BPGM: variants seen among roughly 807,000 people sequenced by gnomAD.
BPGM encodes bisphosphoglycerate mutase.
In BPGM, 15 loss-of-function variants were observed where a neutral mutation model predicts 21.6. The ratio of observed to expected loss-of-function variants is 0.70; its 90% CI spans 0.47 to 1.07. The LOEUF is 1.07. Ranked by LOEUF, BPGM falls within the 50% of genes least tolerant of loss-of-function variation. BPGM has a pLI of 0.00. For synonymous variants in BPGM, 113 were observed against 116.2 expected (o/e 0.97, Z 0.18); for missense variants, 273 against 319.0 (o/e 0.86, Z 1.10).
At chr7:134,669,292 T>C (rs1345851272) in intron 2 of BPGM, among the ~76,000 whole-genome samples, 1 of 152,216 alleles carries the variant, frequency 6.6e-6, no homozygotes, top group Non-Finnish European at 1.5e-5. Context: ...ACCATGGTCA[T>C]TATAGGGAAC....
rs1451163969 is a variant in BPGM, at chr7:134,671,086, T to A, written c.602-7767T>A. On this transcript the variant is annotated intron_variant, in intron 2 of 2. Transcript: ENST00000344924. ...GGTAAGGTCATAGGAGAGCACAGTG[T>A]TTAATCAAGGCTTCAACAATAAAAG... Among the ~76,000 whole-genome samples the A allele has an allele frequency of 2.0e-5, 3 of 152,280 alleles. No homozygotes were observed. In the East Asian group the frequency reaches 5.8e-4, roughly 29 times the overall value.
rs1025348067 is a variant in BPGM at position 134,652,088 on chromosome 7, T to A, written c.-62+5151T>A. Among the ~76,000 whole-genome samples the A allele has an allele frequency of 3.9e-5, 6 of 152,236 alleles. No individual in the cohort carries two copies. In the South Asian group the frequency reaches 1.0e-3, roughly 26 times the overall value. On this transcript the variant is annotated intron_variant, in intron 1 of 2. Coordinates refer to ENST00000344924, the MANE Select transcript of BPGM (RefSeq NM_001724.5). ...TCAAGTACTCAGACTGATTTAAATG[T>A]CTTCAGTATTGCCTTCTGTGAGGAA...
Position 134,678,903 on chromosome 7 carries a change from A to T in BPGM, c.652A>T (p.Ile218Phe). Reference protein sequence around the residue: ...INITLPTGVPILLELDENLRA... With the variant: ...INITLPTGVPFLLELDENLRA... ...CATTACTCTTCCTACTGGAGTCCCC[A>T]TTCTTCTGGAATTGGATGAAAACCT... Residue 218 changes from isoleucine (I) to phenylalanine (F), a missense_variant, in exon 3 of 3, where the codon ATT becomes TTT. Physicochemically the swap from Ile to Phe is conservative, Grantham distance 21 (BLOSUM62 0). Transcript: ENST00000344924. 1.2e-6 allele frequency: 2 copies of T among 1,614,114 alleles called. No homozygotes were observed. The highest frequency in any genetic ancestry group is 1.7e-6 in the Non-Finnish European group (2 of 1,179,966).
At chr7:134,648,121 C>A (rs1163240150) in intron 1 of BPGM, among the ~76,000 whole-genome samples, 1 of 131,128 alleles carries the variant, frequency 7.6e-6, no homozygotes, top group East Asian at 2.7e-4. Context: ...TTCTTTCTTT[C>A]TTTTGTTTTG....
intron 1 of BPGM, among the ~76,000 whole-genome samples, chr7:134,649,422 G>T (rs888204545): frequency 2.0e-5 from 3 of 152,170 alleles, no homozygotes; most frequent in Admixed American, 2.0e-4. Context: ...GTGGTTGGTT[G>T]AGATTAAGAG....
chr7:134,650,679 T>C (rs1423537753), intron 1 of BPGM, among the ~76,000 whole-genome samples: 1 of 152,128 alleles, frequency 6.6e-6, no homozygotes, highest in African/African-American at 2.4e-5. Flanking sequence ...TCCCAGCACT[T>C]TGGGAGGCCG....
rs1164169964 is a variant in BPGM, at chr7:134,665,649, G to GAAAAAAAAAAAAA, written c.601+3553_601+3565dup. Among the ~76,000 whole-genome samples, 3 of 78,192 alleles carry GAAAAAAAAAAAAA rather than the reference G, an allele frequency of 3.8e-5. 1 individual carries two copies. The highest frequency in any genetic ancestry group is 1.2e-4 in the African/African-American group (3 of 24,324). 51.3% of individuals were successfully genotyped at this position (78,192 alleles called of 152,430 possible). ...AAAATAAAATAAAATAAAAATTAAT[G>GAAAAAAAAAAAAA]AAAAAAAAAAAAAAAAAAAAAAAAG... is the stretch of plus-strand genomic sequence containing the variant. On this transcript the variant is annotated intron_variant, in intron 2 of 2. Coordinates refer to ENST00000344924, the MANE Select transcript of BPGM (RefSeq NM_001724.5).
chr7:134,663,524 C>T lies in BPGM; in HGVS notation c.601+1416C>T, dbSNP rs142026414. On this transcript the variant is annotated intron_variant, in intron 2 of 2. Transcript: ENST00000344924. ...GATATATAACTTCATCATTAATGGA[C>T]CATAGTATTTTATTGTTTGAAGAAG... 5.3e-3 allele frequency among the ~76,000 whole-genome samples: 803 copies of T among 152,270 alleles called. 6 individuals are homozygous for T. Among genetic ancestry groups the T allele is most frequent in the African/African-American group, 0.018 (753 of 41,544 alleles).
At chr7:134,673,903 CTTTTT>C (rs11408520) in intron 2 of BPGM, among the ~76,000 whole-genome samples, 121 of 122,208 alleles carry the variant, frequency 9.9e-4, no homozygotes, top group African/African-American at 3.2e-3. Flanking sequence ...GATCTGTTTC[CTTTTT>C]TTTTTTTTTT....
chr7:134,670,197 T>A (rs1032851137), intron 2 of BPGM, among the ~76,000 whole-genome samples: 8 of 152,198 alleles, frequency 5.3e-5, no homozygotes, highest in African/African-American at 1.7e-4. Context: ...AAGACACTCA[T>A]GCAAGACAGA....
chr7:134,650,069 G>GT (rs1361312986), intron 1 of BPGM, among the ~76,000 whole-genome samples: 2 of 152,196 alleles, frequency 1.3e-5, no homozygotes, highest in African/African-American at 4.8e-5. Flanking sequence ...GGAACCTGAG[G>GT]TTCAAAGAAT....
chr7:134,677,234 G>A (rs1562972802), intron 2 of BPGM, among the ~76,000 whole-genome samples: 1 of 152,068 alleles, frequency 6.6e-6, no homozygotes, highest in African/African-American at 2.4e-5. Flanking sequence ...TGCTGGCAAA[G>A]GAAGAGTGTG....
At chr7:134,650,616 A>G (rs1331410657) in intron 1 of BPGM, among the ~76,000 whole-genome samples, 1 of 152,210 alleles carries the variant, frequency 6.6e-6, no homozygotes, top group Non-Finnish European at 1.5e-5. Flanking sequence ...GGGAAGGCAT[A>G]GTTTGTTAAG....
intron 1 of BPGM, among the ~76,000 whole-genome samples, chr7:134,658,171 A>G (rs2131424583): frequency 6.6e-6 from 1 of 152,302 alleles, no homozygotes; most frequent in East Asian, 1.9e-4. Flanking sequence ...GGCTGGAGCT[A>G]AGTAGTAGGT....
intron 1 of BPGM, among the ~76,000 whole-genome samples, chr7:134,658,892 ATTTT>A (rs1554411129): frequency 6.9e-6 from 1 of 143,900 alleles, no homozygotes; most frequent in African/African-American, 2.6e-5. Context: ...GTGTGTGTGT[ATTTT>A]TTTTTTAGTA....
At chr7:134,654,087 G>T (rs1424413776) in intron 1 of BPGM, among the ~76,000 whole-genome samples, 1 of 151,864 alleles carries the variant, frequency 6.6e-6, no homozygotes, top group Non-Finnish European at 1.5e-5. Context: ...TTTTACTAAT[G>T]AAGTGCTTTC....
chr7:134,648,387 G>A (rs997565008), intron 1 of BPGM, among the ~76,000 whole-genome samples: 9 of 151,916 alleles, frequency 5.9e-5, no homozygotes, highest in Admixed American at 2.0e-4. Flanking sequence ...TGCCTGCCTC[G>A]GCCTCCCAAA....
chr7:134,673,345 G>A (rs1157912737), intron 2 of BPGM, among the ~76,000 whole-genome samples: 3 of 152,112 alleles, frequency 2.0e-5, no homozygotes, highest in African/African-American at 7.2e-5. Flanking sequence ...TTATTTATTG[G>A]AAACATTTCT....
chr7:134,663,457 ATTC>A (rs1562969511), intron 2 of BPGM, among the ~76,000 whole-genome samples: 1 of 152,168 alleles, frequency 6.6e-6, no homozygotes, highest in Non-Finnish European at 1.5e-5. Context: ...AAAAGGTTCT[ATTC>A]TTGTTCAGAA....
Sources: gnomAD v4.1 joint callset for allele counts (sites outside exome capture counted in the v4.1 genomes callset) on GRCh38, gnomAD v4.1.1 for gene constraint, MANE v1.5 for transcripts, NCBI Gene and HGNC (gene_info 2026-07-23, HGNC 2026-07-21) for gene names.